The following GRID1 variants were observed in gnomAD, a reference collection of about 807,000 sequenced individuals.
GRID1 encodes the protein glutamate receptor ionotropic, delta-1.
A neutral mutation model predicts 98.0 loss-of-function variants in GRID1; 28 were observed. The observed-to-expected ratio is 0.29, with a 90% CI of 0.21 to 0.39. GRID1 has a LOEUF of 0.39. GRID1 is among the 10% of genes least tolerant of loss of function. The pLI is 1.00. For missense variants in GRID1, 1,111 were observed against 1,340.5 expected, an observed-to-expected ratio of 0.83 and a Z score of 2.67; for synonymous variants, 553 against 538.5, an observed-to-expected ratio of 1.03 and a Z score of -0.37.
intron 4 of GRID1, among the ~76,000 whole-genome samples, chr10:85,937,744 A>C (rs1488269553): frequency 6.6e-6 from 1 of 152,158 alleles, no homozygotes; most frequent in African/African-American, 2.4e-5. Context: ...GGGGTTGTCA[A>C]AACTTGAGGT....
At chr10:85,737,924 A>T (rs535658770) in intron 8 of GRID1, among the ~76,000 whole-genome samples, 139 of 151,934 alleles carry the variant, frequency 9.1e-4, no homozygotes, top group African/African-American at 3.2e-3. Flanking sequence ...GCATGGATCA[A>T]AAGCAGGTGG....
At chr10:86,239,503 C>T (rs1369062964) in intron 2 of GRID1, among the ~76,000 whole-genome samples, 1 of 152,044 alleles carries the variant, frequency 6.6e-6, no homozygotes, top group Non-Finnish European at 1.5e-5. Flanking sequence ...TTGGGAGGGG[C>T]CAAGGACAGA....
chr10:85,949,240 AG>A (rs1308349682), intron 4 of GRID1, among the ~76,000 whole-genome samples: 1 of 152,222 alleles, frequency 6.6e-6, no homozygotes, highest in African/African-American at 2.4e-5. Flanking sequence ...TTTTCAAAAA[AG>A]TTTTAGTTGA....
intron 8 of GRID1, among the ~76,000 whole-genome samples, chr10:85,816,715 A>C (rs1473837384): frequency 6.6e-6 from 1 of 151,742 alleles, no homozygotes; most frequent in African/African-American, 2.4e-5. Context: ...TTTAACGTTT[A>C]TTTGAGGTTC....
intron 2 of GRID1, among the ~76,000 whole-genome samples, chr10:86,215,068 C>T (rs1846155726): frequency 6.6e-6 from 1 of 152,224 alleles, no homozygotes; most frequent in South Asian, 2.1e-4. Context: ...GAGGGGTTCA[C>T]TGAGAGTTTG....
intron 4 of GRID1, among the ~76,000 whole-genome samples, chr10:85,938,902 T>TA (rs1397777808): frequency 1.3e-5 from 2 of 152,270 alleles, no homozygotes; most frequent in African/African-American, 4.8e-5. Flanking sequence ...GTATATTAAG[T>TA]AAAATCCCTT....
intron 8 of GRID1, among the ~76,000 whole-genome samples, chr10:85,814,564 A>G (rs1842699954): frequency 6.6e-6 from 1 of 151,984 alleles, no homozygotes; most frequent in South Asian, 2.1e-4. Flanking sequence ...CCAAGTAATG[A>G]ATAGAAATAA....
At chr10:86,011,484 A>AT (rs1564649316) in intron 4 of GRID1, among the ~76,000 whole-genome samples, 2 of 152,234 alleles carry the variant, frequency 1.3e-5, no homozygotes, top group African/African-American at 4.8e-5. Context: ...GCATGAAGAG[A>AT]TTAATGACAA....
intron 4 of GRID1, among the ~76,000 whole-genome samples, chr10:86,005,124 C>A (rs1842845585): frequency 6.6e-6 from 1 of 152,154 alleles, no homozygotes; most frequent in Admixed American, 6.5e-5. Flanking sequence ...AGCAATCAAA[C>A]ACAAGTGGAC....
intron 8 of GRID1, among the ~76,000 whole-genome samples, chr10:85,809,808 T>G (rs1370495053): frequency 2.0e-5 from 3 of 151,954 alleles, no homozygotes; most frequent in African/African-American, 7.2e-5. Flanking sequence ...CAGCTCAGAG[T>G]GGAGGGACTT....
intron 12 of GRID1, among the ~76,000 whole-genome samples, chr10:85,662,205 G>C (rs1220320135): frequency 6.6e-6 from 1 of 152,190 alleles, no homozygotes; most frequent in African/African-American, 2.4e-5. Context: ...ACATCTCACT[G>C]CCTCATCTGT....
At chr10:86,172,891 T>C (rs984988589) in intron 3 of GRID1, among the ~76,000 whole-genome samples, 14 of 152,326 alleles carry the variant, frequency 9.2e-5, no homozygotes, top group African/African-American at 3.1e-4. Flanking sequence ...AAAAGGGTAG[T>C]GGGCCTTGTG....
intron 4 of GRID1, among the ~76,000 whole-genome samples, chr10:85,961,775 T>C (rs1270932850): frequency 6.6e-6 from 1 of 151,912 alleles, no homozygotes; most frequent in African/African-American, 2.4e-5. Flanking sequence ...CTTCCCTTCT[T>C]CCTTCTTTCC....
chr10:85,968,877 A>G (rs1031981996), intron 4 of GRID1, among the ~76,000 whole-genome samples: 1 of 152,228 alleles, frequency 6.6e-6, no homozygotes, highest in African/African-American at 2.4e-5. Context: ...AATGAATTAA[A>G]TACTCCAATC....
intron 8 of GRID1, among the ~76,000 whole-genome samples, chr10:85,748,084 C>T (rs549997948): frequency 6.6e-6 from 1 of 152,192 alleles, no homozygotes; most frequent in Admixed American, 6.5e-5. Context: ...GGTGCACCTG[C>T]CCACCGTGAC....
At chr10:85,667,584 C>T (rs917941662) in intron 12 of GRID1, among the ~76,000 whole-genome samples, 4 of 152,150 alleles carry the variant, frequency 2.6e-5, no homozygotes, top group African/African-American at 9.6e-5. Context: ...CATTCAATAT[C>T]GGATCCAGCA....
chr10:86,173,840 C>T (rs1845531997), intron 3 of GRID1, among the ~76,000 whole-genome samples: 3 of 149,310 alleles, frequency 2.0e-5, no homozygotes, highest in African/African-American at 7.4e-5. Flanking sequence ...GTTTTTTGTT[C>T]TTGTGATAGT....
chr10:85,610,093 G>A (rs2132510303), intron 15 of GRID1, among the ~76,000 whole-genome samples: 1 of 152,290 alleles, frequency 6.6e-6, no homozygotes. Flanking sequence ...CAGGTTTCTG[G>A]CTCTTAAGAA....
intron 4 of GRID1, among the ~76,000 whole-genome samples, chr10:85,987,041 C>T (rs1842616286): frequency 6.6e-6 from 1 of 152,088 alleles, no homozygotes; most frequent in Non-Finnish European, 1.5e-5. Context: ...TAACCAGCTC[C>T]TCCCCATCTA....
Sources: gnomAD v4.1 joint callset for allele counts (sites outside exome capture counted in the v4.1 genomes callset) on GRCh38, gnomAD v4.1.1 for gene constraint, MANE v1.5 for transcripts, NCBI Gene and HGNC (gene_info 2026-07-23, HGNC 2026-07-21) for gene names.